The following ZNF347 variants were observed in gnomAD, a reference collection of about 807,000 sequenced individuals.
ZNF347 encodes the protein zinc finger protein 347.
Under a neutral mutation model 12.9 loss-of-function variants are expected in ZNF347, and 19 were observed. The observed-to-expected ratio is 1.47, with a 90% CI of 1.03 to 2.16. ZNF347 has a LOEUF of 2.16. Among genes scored for constraint, ZNF347 ranks in the 30% most tolerant of loss-of-function variants. ZNF347 has a pLI of 0.00. For synonymous variants in ZNF347, 328 were observed against 340.6 expected (o/e 0.96, Z 0.41); for missense variants, 1,005 against 990.6 (o/e 1.01, Z -0.19).
rs1342116687 is a variant in ZNF347, at chr19:53,149,225, A to G, written c.142+16T>C. On this transcript the variant is annotated intron_variant, in intron 3 of 4. Transcript: ENST00000334197. Reference sequence around the variant, plus strand: ...ACAGGGGCAGATCCTGACTTCTGGAAGAAAGTCATCCTCACCCAGGGAGGC... The same window carrying G: ...ACAGGGGCAGATCCTGACTTCTGGAGGAAAGTCATCCTCACCCAGGGAGGC... 5 of 1,610,590 alleles carry G rather than the reference A, an allele frequency of 3.1e-6. No individual in the cohort carries two copies. The East Asian group carries it at 1.1e-4, about 36-fold the overall frequency.
In ZNF347 at chr19:53,141,611, C is replaced by CATTCATT. The variant is rs778386429; in HGVS notation, c.1210_1216dup (p.Cys406Ter). On this transcript the variant is annotated stop_gained and frameshift_variant, in exon 5 of 5. Coordinates refer to ENST00000334197, the MANE Select transcript of ZNF347 (RefSeq NM_032584.3). LOFTEE classifies it low-confidence loss of function (END_TRUNC). ...TGAATTTTGAGTGAAGACCTTGCCA[C>CATTCATT]ATTCATTACATTTGTAAGGTTTTTC... 13 of 1,614,064 alleles carry CATTCATT rather than the reference C, an allele frequency of 8.1e-6. 1 individual carries two copies. In the South Asian group the frequency reaches 1.3e-4, roughly 16 times the overall value.
intron 4 of ZNF347, among the ~76,000 whole-genome samples, chr19:53,142,910 T>C (rs987705571): frequency 3.9e-5 from 6 of 152,058 alleles, no homozygotes; most frequent in Admixed American, 3.3e-4. Flanking sequence ...TTACAAGAAA[T>C]GATAAAGGGA....
At position 53,140,199 on chromosome 19, in the gene ZNF347, C is replaced by G; in HGVS notation, c.*109G>C. ...ACAGGCATGAGCCACTGCACCCAGCCAGTCATTGCATTTTCAAGGAATCTC... is the reference window on the plus strand; with the variant it reads ...ACAGGCATGAGCCACTGCACCCAGCGAGTCATTGCATTTTCAAGGAATCTC... On this transcript the variant is annotated 3_prime_UTR_variant, in exon 5 of 5. Transcript: ENST00000334197. 1 of 1,141,606 alleles carries G rather than the reference C, an allele frequency of 8.8e-7. No homozygotes were observed. 70.7% of individuals were successfully genotyped at this position (1,141,606 alleles called of 1,614,324 possible).
chr19:53,156,406 GAAA>G, intron 1 of ZNF347, among the ~76,000 whole-genome samples: 1 of 125,098 alleles, frequency 8.0e-6, no homozygotes, highest in South Asian at 2.7e-4. Flanking sequence ...GTTTCAAAAA[GAAA>G]AAAAAAAAAA....
intron 2 of ZNF347, among the ~76,000 whole-genome samples, chr19:53,151,034 T>C (rs776713411): frequency 5.3e-5 from 8 of 152,156 alleles, no homozygotes; most frequent in Non-Finnish European, 1.2e-4. Flanking sequence ...GCCACTGTGC[T>C]CAGTCTGGCA....
At position 53,140,989 on chromosome 19, in the gene ZNF347, T is replaced by C; in HGVS notation, c.1839A>G (p.Ser613=). 1 of 1,613,904 alleles carries C rather than the reference T, an allele frequency of 6.2e-7. No homozygotes were observed. The highest frequency in any genetic ancestry group is 8.5e-7 in the Non-Finnish European group (1 of 1,180,000). The change falls in exon 5 of 5, where the codon TCA becomes TCG. Residue 613 remains serine, a synonymous_variant. Transcript: ENST00000334197. ...CTCCAGTATGAATTCGCTGATGCCT[T>C]GAAAGGTATGAATTATGCCTAAAGA... The part of the protein sequence containing the change: ...GKVFRHNSYL[S]RHQRIHTGEK...
chr19:53,140,450 T>A lies in ZNF347; in HGVS notation c.2378A>T (p.Tyr793Phe), dbSNP rs766491308. 5.6e-6 allele frequency: 9 copies of A among 1,614,118 alleles called. No individual in the cohort carries two copies. The highest frequency in any genetic ancestry group is 7.6e-6 in the Non-Finnish European group (9 of 1,179,980). The change falls in exon 5 of 5, where the codon TAT becomes TTT. Residue 793 changes from tyrosine to phenylalanine, a missense_variant. Coordinates refer to ENST00000334197, the MANE Select transcript of ZNF347 (RefSeq NM_032584.3). The part of the protein sequence containing the change: ...HQRIHTGEKP[Y>F]ECGKPFSICS... The stretch of plus-strand genomic sequence containing the variant: ...GATACTAAAGGGTTTCCCACACTCA[T>A]ATGGTTTCTCTCCGGTATGAATTCT...
chr19:53,153,791 T>C lies in ZNF347; in HGVS notation c.-44A>G. On this transcript the variant is annotated splice_region_variant and 5_prime_UTR_variant, in exon 2 of 5. Transcript: ENST00000334197. ...TCCTCTTCCTCTTCTTCAAGGGTTC[T>C]TCCTTAGGTAACAGGAAAGTGCCTT... is the stretch of plus-strand genomic sequence containing the variant. The C allele has an allele frequency of 6.2e-7, 1 of 1,613,876 alleles. No homozygotes were observed. The highest frequency in any genetic ancestry group is 8.5e-7 in the Non-Finnish European group (1 of 1,179,772).
Position 53,141,794 on chromosome 19 carries a change from T to A in ZNF347, c.1034A>T (p.Tyr345Phe). 1 of 1,613,994 alleles carries A rather than the reference T, an allele frequency of 6.2e-7. No homozygotes were observed. Among genetic ancestry groups the A allele is most frequent in the Non-Finnish European group, 8.5e-7 (1 of 1,179,976 alleles). ...HQKIHTGEKPYKCNECGKVFT... is the reference protein window; with the variant it reads ...HQKIHTGEKPFKCNECGKVFT... ...GACCTTGCCACATTCGTTACATTTA[T>A]AAGGTTTCTCTCCAGTGTGAATTTT... Residue 345 changes from tyrosine to phenylalanine, a missense_variant, in exon 5 of 5, where the codon TAT (tyrosine) becomes TTT (phenylalanine). Tyr to Phe is a conservative substitution (Grantham distance 22). Transcript: ENST00000334197.
At chr19:53,149,551 T>G in intron 2 of ZNF347, 184 bp from the exon 3 acceptor site, 1 of 1,230,584 alleles carries the variant, frequency 8.1e-7, no homozygotes, top group Non-Finnish European at 1.1e-6. Flanking sequence ...ATCTCTGGAG[T>G]GATAAGTGCC....
chr19:53,149,638 C>A lies in ZNF347; in HGVS notation c.16-271G>T, dbSNP rs2090485207. 2.0e-5 allele frequency: 9 copies of A among 460,126 alleles called. No homozygotes were observed. In the Admixed American group the frequency reaches 2.8e-4, roughly 14 times the overall value. 28.5% of individuals were successfully genotyped at this position (460,126 alleles called of 1,614,324 possible). A position where few individuals can be genotyped will look rare whatever the true frequency, so the allele number is the denominator to read the frequency against. On this transcript the variant is annotated intron_variant, in intron 2 of 4. Coordinates refer to ENST00000334197, the MANE Select transcript of ZNF347 (RefSeq NM_032584.3). ...AATGGCGGGGTGGTCACCAGAAAGACCAAGGCTGGATTACAGAGTTGGGAC... is the reference window on the plus strand; with the variant it reads ...AATGGCGGGGTGGTCACCAGAAAGAACAAGGCTGGATTACAGAGTTGGGAC...
intron 4 of ZNF347, among the ~76,000 whole-genome samples, chr19:53,146,700 G>A (rs2146805539): frequency 6.6e-6 from 1 of 152,214 alleles, no homozygotes; most frequent in African/African-American, 2.4e-5. Context: ...CATTAGAACT[G>A]ATACCATAGA....
At position 53,138,181 on chromosome 19, in the gene ZNF347, T is replaced by G. The variant is rs1461038311; in HGVS notation, c.*2127A>C. 4.6e-5 allele frequency: 7 copies of G among 152,298 alleles called. No homozygotes were observed. Among genetic ancestry groups the G allele is most frequent in the Non-Finnish European group, 7.3e-5 (5 of 68,276 alleles). 9.4% of individuals were successfully genotyped at this position (152,298 alleles called of 1,614,324 possible). On this transcript the variant is annotated 3_prime_UTR_variant, in exon 5 of 5. Transcript: ENST00000334197. ...CCCAGGCTGGAGTGCAATGGCGCGA[T>G]CTTGGCTCACTGCAACCTCTGCCTC...
chr19:53,142,826 C>T (rs1040137332), intron 4 of ZNF347, among the ~76,000 whole-genome samples: 2 of 152,094 alleles, frequency 1.3e-5, no homozygotes, highest in Non-Finnish European at 2.9e-5. Context: ...GCAAAGCAAT[C>T]GTTCAGTCAT....
Position 53,141,250 on chromosome 19 carries a change from T to G in ZNF347, c.1578A>C (p.Ser526=). 2 of 1,613,838 alleles carry G rather than the reference T, an allele frequency of 1.2e-6. No individual in the cohort carries two copies. The highest frequency in any genetic ancestry group is 1.7e-6 in the Non-Finnish European group (2 of 1,179,964). ...NECGKVFTQN[S]HLANHQRIHT... Reference sequence around the variant, plus strand: ...GAATTCTTTGATGATTTGCAAGGTGTGAATTTTGAGTGAAGACCTTGCCAC... The same window carrying G: ...GAATTCTTTGATGATTTGCAAGGTGGGAATTTTGAGTGAAGACCTTGCCAC... Residue 526 remains serine (S), a synonymous_variant, in exon 5 of 5, where the codon TCA becomes TCC. Coordinates refer to ENST00000334197, the MANE Select transcript of ZNF347 (RefSeq NM_032584.3).
intron 1 of ZNF347, among the ~76,000 whole-genome samples, chr19:53,156,400 C>CAAAAAG (rs2090536266): frequency 7.0e-6 from 1 of 142,390 alleles, no homozygotes; most frequent in Non-Finnish European, 1.5e-5. Flanking sequence ...GAGACTGTTT[C>CAAAAAG]AAAAAGAAAA....
Position 53,141,550 on chromosome 19 carries a change from C to G in ZNF347, c.1278G>C (p.Glu426Asp). 4 of 1,613,976 alleles carry G rather than the reference C, an allele frequency of 2.5e-6. No homozygotes were observed. Among genetic ancestry groups the G allele is most frequent in the Non-Finnish European group, 2.5e-6 (3 of 1,179,964 alleles). The change falls in exon 5 of 5, where the codon GAG (glutamate) becomes GAC (aspartate). Residue 426 changes from glutamate (E) to aspartate (D), a missense_variant. Glu to Asp is a conservative substitution (Grantham distance 45, BLOSUM62 2). Coordinates refer to ENST00000334197, the MANE Select transcript of ZNF347 (RefSeq NM_032584.3). ...LTNHWRIHTG[E>D]KPYKCNECGK... Reference sequence around the variant, plus strand: ...CGCACTCATTACACTTGTAAGGTTTCTCTCCAGTGTGAATTCTCCAGTGAT... The same window carrying G: ...CGCACTCATTACACTTGTAAGGTTTGTCTCCAGTGTGAATTCTCCAGTGAT...
Position 53,137,077 on chromosome 19 carries a change from G to C in ZNF347, c.*3231C>G, listed in dbSNP as rs899440817. ...ATTTTTGTATTTTTAGTAGAGATGGGGTTTCACCATGTTGGCCAGGCTCGT... is the reference window on the plus strand; with the variant it reads ...ATTTTTGTATTTTTAGTAGAGATGGCGTTTCACCATGTTGGCCAGGCTCGT... On this transcript the variant is annotated 3_prime_UTR_variant, in exon 5 of 5. Coordinates refer to ENST00000334197, the MANE Select transcript of ZNF347 (RefSeq NM_032584.3). The C allele has an allele frequency of 1.3e-5, 2 of 152,116 alleles. No individual in the cohort carries two copies. The highest frequency in any genetic ancestry group is 2.4e-5 in the African/African-American group (1 of 41,396). 9.4% of individuals were successfully genotyped at this position (152,116 alleles called of 1,614,324 possible). A position where few individuals can be genotyped will look rare whatever the true frequency, so the allele number is the denominator to read the frequency against.
chr19:53,151,721 T>C (rs752216047), intron 2 of ZNF347, among the ~76,000 whole-genome samples: 11 of 152,160 alleles, frequency 7.2e-5, no homozygotes, highest in Non-Finnish European at 1.2e-4. Context: ...ATTAATGTGA[T>C]AGCTGAGAAC....
Sources: allele counts gnomAD v4.1 joint callset (sites outside exome capture counted in the v4.1 genomes callset), GRCh38; gene constraint gnomAD v4.1.1; transcripts MANE v1.5; gene names NCBI Gene and HGNC (gene_info 2026-07-23, HGNC 2026-07-21).